Variants in ST6GALNAC3 observed in about 807,000 individuals in gnomAD.
ST6GALNAC3 encodes ST6 N-acetylgalactosaminide alpha-2,6-sialyltransferase 3.
Under a neutral mutation model 32.7 loss-of-function variants are expected in ST6GALNAC3, and 25 were observed. The observed-to-expected ratio is 0.76, with a 90% CI of 0.56 to 1.07. The LOEUF is 1.07. Ranked by LOEUF, ST6GALNAC3 falls within the 50% of genes least tolerant of loss-of-function variation. The pLI, the probability that ST6GALNAC3 is intolerant of heterozygous loss-of-function variation, is 0.00. For synonymous variants in ST6GALNAC3, 129 were observed against 133.1 expected (o/e 0.97, Z 0.21); for missense variants, 355 against 382.4 (o/e 0.93, Z 0.60).
At chr1:76,221,775 C>T (rs1655786740) in intron 1 of ST6GALNAC3, among the ~76,000 whole-genome samples, 1 of 152,116 alleles carries the variant, frequency 6.6e-6, no homozygotes, top group South Asian at 2.1e-4. Context: ...CTTTATGCTC[C>T]CTACAATGAG....
intron 2 of ST6GALNAC3, among the ~76,000 whole-genome samples, chr1:76,334,215 T>C (rs1360310116): frequency 6.6e-6 from 1 of 152,224 alleles, no homozygotes; most frequent in East Asian, 1.9e-4. Flanking sequence ...CAAACAAAAA[T>C]CCATGTTTAT....
chr1:76,107,804 T>A lies in ST6GALNAC3; in HGVS notation c.18+32920T>A, dbSNP rs147124159. On this transcript the variant is annotated intron_variant, in intron 1 of 4. Transcript: ENST00000328299. ...TCTATGGCAGATCTACATTCTTTTT[T>A]CTGTCCTCTCCCTCTCTCTACACCC... is the stretch of plus-strand genomic sequence containing the variant. Among the ~76,000 whole-genome samples the A allele has an allele frequency of 2.0e-5, 3 of 152,312 alleles. No individual in the cohort carries two copies. In the East Asian group the frequency reaches 5.8e-4, roughly 29 times the overall value.
chr1:76,161,947 G>A (rs919660421), intron 1 of ST6GALNAC3, among the ~76,000 whole-genome samples: 1 of 152,150 alleles, frequency 6.6e-6, no homozygotes, highest in Non-Finnish European at 1.5e-5. Context: ...TGAAGATCAG[G>A]GTTGGTCATA....
Position 76,399,310 on chromosome 1 carries a change from T to A in ST6GALNAC3, c.214-12698T>A, listed in dbSNP as rs150647486. ...CTTTCATCTTAAAGCATTACTCTAT[T>A]GTATTTCTGATACAGGTTTTCAATT... On this transcript the variant is annotated intron_variant, in intron 2 of 4. Transcript: ENST00000328299. 2.5e-3 allele frequency among the ~76,000 whole-genome samples: 385 copies of A among 152,330 alleles called. 1 individual carries two copies. The highest frequency in any genetic ancestry group is 8.4e-3 in the African/African-American group (351 of 41,588).
chr1:76,223,859 C>A, intron 1 of ST6GALNAC3, among the ~76,000 whole-genome samples: 1 of 152,112 alleles, frequency 6.6e-6, no homozygotes, highest in Non-Finnish European at 1.5e-5. Context: ...TTGCCTCCAG[C>A]AGGAATTTTT....
intron 2 of ST6GALNAC3, among the ~76,000 whole-genome samples, chr1:76,369,046 G>A (rs1476929486): frequency 6.6e-6 from 1 of 152,110 alleles, no homozygotes; most frequent in Non-Finnish European, 1.5e-5. Flanking sequence ...TTAGTGAAAT[G>A]TTGCTTACCT....
intron 1 of ST6GALNAC3, among the ~76,000 whole-genome samples, chr1:76,215,580 G>A (rs565352): frequency 0.9 from 136,800 of 152,228 alleles, 62,495 homozygotes; most frequent in Non-Finnish European, 0.98. Flanking sequence ...CCACTTTTAC[G>A]TAGTCTATTA....
chr1:76,562,184 A>G (rs756263584), intron 3 of ST6GALNAC3, among the ~76,000 whole-genome samples: 10 of 152,188 alleles, frequency 6.6e-5, no homozygotes, highest in African/African-American at 9.7e-5. Flanking sequence ...GTGGTGATAA[A>G]TGCACAATGC....
At chr1:76,169,925 T>C (rs939614822) in intron 1 of ST6GALNAC3, among the ~76,000 whole-genome samples, 1 of 152,200 alleles carries the variant, frequency 6.6e-6, no homozygotes, top group African/African-American at 2.4e-5. Flanking sequence ...GCACACTGAC[T>C]TTTTGAATTT....
intron 1 of ST6GALNAC3, among the ~76,000 whole-genome samples, chr1:76,259,826 T>C (rs909940110): frequency 3.9e-5 from 6 of 152,116 alleles, no homozygotes; most frequent in Non-Finnish European, 5.9e-5. Flanking sequence ...AAGCAGCTGG[T>C]GTTGTCCAAA....
intron 2 of ST6GALNAC3, among the ~76,000 whole-genome samples, chr1:76,333,232 G>A (rs1046674382): frequency 6.6e-5 from 10 of 152,186 alleles, no homozygotes; most frequent in African/African-American, 2.4e-4. Flanking sequence ...TGAGAATGCT[G>A]AGCAAGATTT....
intron 1 of ST6GALNAC3, among the ~76,000 whole-genome samples, chr1:76,101,245 G>A (rs566867629): frequency 1.3e-5 from 2 of 152,292 alleles, no homozygotes; most frequent in Admixed American, 1.3e-4. Context: ...AGGTCATATA[G>A]TTGGAATCAT....
At chr1:76,361,303 G>T (rs1649913639) in intron 2 of ST6GALNAC3, among the ~76,000 whole-genome samples, 1 of 152,016 alleles carries the variant, frequency 6.6e-6, no homozygotes, top group Non-Finnish European at 1.5e-5. Flanking sequence ...TTTAGATGCT[G>T]CACTACTGCA....
intron 2 of ST6GALNAC3, among the ~76,000 whole-genome samples, chr1:76,362,808 G>A (rs1268276473): frequency 6.6e-6 from 1 of 152,226 alleles, no homozygotes; most frequent in Non-Finnish European, 1.5e-5. Context: ...CTCTGTCCAT[G>A]TGGCTTTGCA....
intron 3 of ST6GALNAC3, among the ~76,000 whole-genome samples, chr1:76,552,808 C>A (rs1452163138): frequency 6.6e-6 from 1 of 152,154 alleles, no homozygotes; most frequent in Non-Finnish European, 1.5e-5. Flanking sequence ...GCATCCTTAT[C>A]TTATTCTAAC....
At chr1:76,359,390 A>G (rs1397115567) in intron 2 of ST6GALNAC3, among the ~76,000 whole-genome samples, 1 of 152,176 alleles carries the variant, frequency 6.6e-6, no homozygotes, top group African/African-American at 2.4e-5. Context: ...CCCCTAAACC[A>G]ATAAGACTTG....
intron 2 of ST6GALNAC3, among the ~76,000 whole-genome samples, chr1:76,336,102 A>T (rs1647451313): frequency 6.6e-6 from 1 of 152,218 alleles, no homozygotes; most frequent in Non-Finnish European, 1.5e-5. Context: ...AATGCACAGC[A>T]GGCTGAGAGG....
chr1:76,621,201 T>G (rs1648624322), intron 3 of ST6GALNAC3, among the ~76,000 whole-genome samples: 1 of 152,060 alleles, frequency 6.6e-6, no homozygotes, highest in East Asian at 1.9e-4. Flanking sequence ...ATTTGTTATA[T>G]TCACAGTCCA....
At chr1:76,483,273 A>G (rs1659860427) in intron 3 of ST6GALNAC3, among the ~76,000 whole-genome samples, 1 of 152,106 alleles carries the variant, frequency 6.6e-6, no homozygotes, top group South Asian at 2.1e-4. Context: ...TGGTATTTCT[A>G]GTTCTAGATC....
Sources: allele counts gnomAD v4.1 joint callset (sites outside exome capture counted in the v4.1 genomes callset), GRCh38; gene constraint gnomAD v4.1.1; transcripts MANE v1.5; gene names NCBI Gene and HGNC (gene_info 2026-07-23, HGNC 2026-07-21).